ATG4B: variants seen among roughly 807,000 people sequenced by gnomAD.
ATG4B encodes cysteine protease ATG4B.
In ATG4B, 29 loss-of-function variants were observed where a neutral mutation model predicts 56.6. That is an observed-to-expected ratio of 0.51 (90% CI 0.38 to 0.70). The LOEUF (loss-of-function observed/expected upper bound fraction) is 0.70. ATG4B is among the 30% of genes least tolerant of loss of function. ATG4B has a pLI of 0.00. For missense variants in ATG4B, 461 were observed against 515.5 expected (o/e 0.89, Z 1.02); for synonymous variants, 224 against 206.1 (o/e 1.09, Z -0.74).
chr2:241,649,107 A>G (rs2068152210), intron 1 of ATG4B, among the ~76,000 whole-genome samples: 1 of 152,224 alleles, frequency 6.6e-6, no homozygotes, highest in African/African-American at 2.4e-5. Context: ...TGAGTGGCCC[A>G]GGAAACTACA....
chr2:241,653,187 C>A (rs1559256523), intron 3 of ATG4B: 2 of 677,146 alleles, frequency 3.0e-6, no homozygotes, highest in Middle Eastern at 5.1e-4. Flanking sequence ...TTGGAAAATG[C>A]GTTGTTTTGT....
rs1356297704 is a variant in ATG4B, at chr2:241,637,708, TG to T, written c.-4del. The stretch of plus-strand genomic sequence containing the variant: ...CGCTCGGGTCAGTCGGCGGCCGGAC[TG>T]GGAAGATGGACGCAGGTGAGGAGTT... On this transcript the variant is annotated 5_prime_UTR_variant, in exon 1 of 13. Transcript: ENST00000404914. 6.3e-7 allele frequency: 1 copy of T among 1,583,010 alleles called. No individual in the cohort carries two copies. Among genetic ancestry groups the T allele is most frequent in the Non-Finnish European group, 8.6e-7 (1 of 1,167,544 alleles).
intron 12 of ATG4B, chr2:241,671,742 T>A: frequency 3.1e-6 from 4 of 1,303,474 alleles, no homozygotes; most frequent in Non-Finnish European, 3.9e-6. Flanking sequence ...ACTGGTTCAC[T>A]TGGGCACCAC....
At position 241,653,550 on chromosome 2, in the gene ATG4B, A is replaced by G. The variant is rs774759599; in HGVS notation, c.223A>G (p.Met75Val). The G allele has an allele frequency of 6.3e-7, 1 of 1,584,082 alleles. No homozygotes were observed. Among genetic ancestry groups the G allele is most frequent in the Non-Finnish European group, 8.6e-7 (1 of 1,165,256 alleles). The change falls in exon 4 of 13, where the codon ATG (methionine) becomes GTG (valine). Residue 75 changes from methionine (M) to valine (V), a missense_variant. Met to Val is a conservative substitution (Grantham distance 21, BLOSUM62 1). Transcript: ENST00000404914. ...CACCTCGGACACAGGCTGGGGCTGC[A>G]TGCTGCGGTGTGGACAGATGATCTT... Reference protein sequence around the residue: ...GPTSDTGWGCMLRCGQMIFAQ... With the variant: ...GPTSDTGWGCVLRCGQMIFAQ...
At chr2:241,649,289 G>A (rs1388405727) in intron 1 of ATG4B, among the ~76,000 whole-genome samples, 4 of 152,220 alleles carry the variant, frequency 2.6e-5, no homozygotes, top group Admixed American at 2.0e-4. Context: ...TTTCACGTAC[G>A]AACCTGTGCA....
chr2:241,650,991 G>A lies in ATG4B; in HGVS notation c.11-19G>A. 1.9e-6 allele frequency: 3 copies of A among 1,592,094 alleles called. No individual in the cohort carries two copies. The highest frequency in any genetic ancestry group is 2.6e-6 in the Non-Finnish European group (3 of 1,162,376). On this transcript the variant is annotated intron_variant, in intron 1 of 12. Coordinates refer to ENST00000404914, the MANE Select transcript of ATG4B (RefSeq NM_013325.5). Reference sequence around the variant, plus strand: ...GAAATTATAAGTGTCTGATGATTGTGCATCTTTGGTTTCAACAGCTACTCT... The same window carrying A: ...GAAATTATAAGTGTCTGATGATTGTACATCTTTGGTTTCAACAGCTACTCT...
rs147438935 is a variant in ATG4B, at chr2:241,671,994, C to G, written c.1109-197C>G. The stretch of plus-strand genomic sequence containing the variant: ...CCGCCCCCTGCCCTCCTCACCCTGC[C>G]CTGCTCCTCTTCTCTGCTCCCTCCC... On this transcript the variant is annotated intron_variant, in intron 12 of 12. Transcript: ENST00000404914. The G allele has an allele frequency of 1.0e-3, 1,430 of 1,422,756 alleles. 14 individuals are homozygous for G. In the African/African-American group the frequency reaches 0.019, roughly 19 times the overall value. The allele number at this position is 1,422,756 out of a possible 1,614,324, so 88.1% of individuals were successfully genotyped here.
chr2:241,671,037 C>G (rs1359880354), intron 11 of ATG4B, among the ~76,000 whole-genome samples: 1 of 152,220 alleles, frequency 6.6e-6, no homozygotes, highest in Non-Finnish European at 1.5e-5. Context: ...TGTCCTCATC[C>G]GTCTCCTGTT....
At chr2:241,649,338 C>T (rs942711454) in intron 1 of ATG4B, among the ~76,000 whole-genome samples, 1 of 152,236 alleles carries the variant, frequency 6.6e-6, no homozygotes, top group Non-Finnish European at 1.5e-5. Context: ...GGCAACGAGG[C>T]TTCACGTGAT....
intron 1 of ATG4B, among the ~76,000 whole-genome samples, chr2:241,647,405 T>G (rs1156695915): frequency 6.7e-6 from 1 of 148,614 alleles, no homozygotes; most frequent in Non-Finnish European, 1.5e-5. Flanking sequence ...GATCATGAGG[T>G]CAGGAGATTG....
chr2:241,640,204 T>C (rs1203064982), intron 1 of ATG4B, among the ~76,000 whole-genome samples: 1 of 152,240 alleles, frequency 6.6e-6, no homozygotes, highest in Non-Finnish European at 1.5e-5. Context: ...CCTTGACAAC[T>C]GTGTTGACAT....
intron 1 of ATG4B, among the ~76,000 whole-genome samples, chr2:241,642,337 C>T (rs1395890706): frequency 6.6e-6 from 1 of 151,972 alleles, no homozygotes; most frequent in African/African-American, 2.4e-5. Flanking sequence ...TTCTCTCTTT[C>T]TCTGTTTTCA....
At chr2:241,643,339 A>C (rs1272120767) in intron 1 of ATG4B, among the ~76,000 whole-genome samples, 32 of 149,140 alleles carry the variant, frequency 2.1e-4, no homozygotes. Flanking sequence ...TCAGTAGCTA[A>C]GACTACAGAT....
intron 7 of ATG4B, among the ~76,000 whole-genome samples, chr2:241,662,952 C>CG (rs2068635540): frequency 6.7e-6 from 1 of 149,732 alleles, no homozygotes; most frequent in African/African-American, 2.5e-5. Context: ...ACCAATAAAG[C>CG]GGGCCGGGCG....
In ATG4B at chr2:241,667,086, A is replaced by T. The variant is rs1575088382; in HGVS notation, c.732+248A>T. ...GAGGATGAAAGCATGAGGCGCTTGC[A>T]GGGGGTCCTTGGAACCAGGTGCCAC... is the stretch of plus-strand genomic sequence containing the variant. On this transcript the variant is annotated intron_variant, in intron 8 of 12. Transcript: ENST00000404914. Among the ~76,000 whole-genome samples the T allele has an allele frequency of 3.9e-5, 6 of 152,276 alleles. 1 individual carries two copies. The South Asian group carries it at 1.2e-3, about 32-fold the overall frequency.
chr2:241,670,925 T>C (rs552359225), intron 11 of ATG4B, 143 bp downstream of exon 11: 22 of 891,854 alleles, frequency 2.5e-5, no homozygotes, highest in Middle Eastern at 3.1e-4. Context: ...GGCACAGCTA[T>C]GTAGCTGAGC....
At chr2:241,656,348 C>G (rs991102233) in intron 6 of ATG4B, among the ~76,000 whole-genome samples, 5 of 152,302 alleles carry the variant, frequency 3.3e-5, no homozygotes, top group Non-Finnish European at 5.9e-5. Flanking sequence ...GCTGCTCCCT[C>G]TGTCTCCAGG....
At chr2:241,648,204 C>T (rs188020234) in intron 1 of ATG4B, among the ~76,000 whole-genome samples, 266 of 152,248 alleles carry the variant, frequency 1.7e-3, no homozygotes, top group Non-Finnish European at 2.6e-3. Context: ...TATAAAAAGG[C>T]AGGAGAGAAT....
In ATG4B at chr2:241,651,227, G is replaced by T; in HGVS notation, c.113-37G>T. ...TTGTGACTTGCAAACTTAAGGCGTT[G>T]TGTGTGTGTGTTTTTTTTCTTTTAA... On this transcript the variant is annotated intron_variant, in intron 2 of 12. Transcript: ENST00000404914. The surrounding 1 kb of genome is among the most constrained non-coding windows in gnomAD (Gnocchi z 4.1). 2 of 1,520,652 alleles carry T rather than the reference G, an allele frequency of 1.3e-6. No individual in the cohort carries two copies. The highest frequency in any genetic ancestry group is 1.4e-5 in the African/African-American group (1 of 72,792). 94.2% of individuals were successfully genotyped at this position (1,520,652 alleles called of 1,614,324 possible). A position where few individuals can be genotyped will look rare whatever the true frequency, so the allele number is the denominator to read the frequency against.
Sources: allele counts gnomAD v4.1 joint callset (sites outside exome capture counted in the v4.1 genomes callset), GRCh38; gene constraint gnomAD v4.1.1; non-coding constraint Gnocchi (gnomAD v3.1); transcripts MANE v1.5; gene names NCBI Gene and HGNC (gene_info 2026-07-23, HGNC 2026-07-21).